RBFOX1: variants seen among roughly 807,000 people sequenced by gnomAD.
RBFOX1 encodes RNA binding fox-1 homolog 1, also known as RNA binding protein fox-1 homolog 1.
In RBFOX1, 8 loss-of-function variants were observed where a neutral mutation model predicts 57.7. The ratio of observed to expected loss-of-function variants is 0.14; its 90% CI spans 0.08 to 0.25. The LOEUF is 0.25. Among genes scored for constraint, RBFOX1 ranks in the 10% least tolerant of loss-of-function variants. The pLI, the probability that RBFOX1 is intolerant of heterozygous loss-of-function variation, is 1.00. For missense variants in RBFOX1, 611 were observed against 548.5 expected (o/e 1.11, Z -1.14); for synonymous variants, 326 against 222.4 (o/e 1.47, Z -4.15).
chr16:5,758,776 G>C (rs1376921566), intron 3 of RBFOX1, among the ~76,000 whole-genome samples: 1 of 152,108 alleles, frequency 6.6e-6, no homozygotes, highest in African/African-American at 2.4e-5. Context: ...TCACTTTTTG[G>C]ATAGGGTGGG....
At chr16:5,304,933 C>G (rs1486447967) in intron 1 of RBFOX1, among the ~76,000 whole-genome samples, 2 of 152,182 alleles carry the variant, frequency 1.3e-5, no homozygotes, top group African/African-American at 4.8e-5. Flanking sequence ...CAATTTGAAT[C>G]TTGTTTCATG....
At chr16:6,971,577 TA>T (rs1226492890) in intron 3 of RBFOX1, among the ~76,000 whole-genome samples, 7 of 151,966 alleles carry the variant, frequency 4.6e-5, no homozygotes, top group African/African-American at 1.7e-4. Flanking sequence ...TTTACATTAT[TA>T]AAAGATCACC....
chr16:7,619,325 C>G (rs767936628), intron 10 of RBFOX1, among the ~76,000 whole-genome samples: 3 of 152,076 alleles, frequency 2.0e-5, no homozygotes, highest in South Asian at 2.1e-4. Flanking sequence ...ATGATTTTCA[C>G]TAGCTGAAAT....
At chr16:7,597,298 A>G (rs1375580313) in intron 8 of RBFOX1, 73 bp from the exon 9 acceptor site, 6 of 1,110,904 alleles carry the variant, frequency 5.4e-6, no homozygotes, top group African/African-American at 1.6e-5. Flanking sequence ...AATCACGGTC[A>G]TAATGCATGC....
At chr16:5,322,608 C>T (rs1299089770) in intron 1 of RBFOX1, among the ~76,000 whole-genome samples, 1 of 152,172 alleles carries the variant, frequency 6.6e-6, no homozygotes, top group African/African-American at 2.4e-5. Flanking sequence ...CTTTTGTTCT[C>T]TTAGAGCAAG....
In RBFOX1 at chr16:5,314,543, C is replaced by G. The variant is rs184423903; in HGVS notation, c.219+74438C>G. Among the ~76,000 whole-genome samples the G allele has an allele frequency of 2.0e-4, 31 of 152,300 alleles. No homozygotes were observed. In the East Asian group the frequency reaches 5.6e-3, roughly 27 times the overall value. ...TGAGACTGGATCTCACTCTGTTGCC[C>G]AGGCTGGCGTGCAGTGGTGCAATCA... On this transcript the variant is annotated intron_variant, in intron 1 of 2. Transcript: ENST00000585867.
intron 2 of RBFOX1, among the ~76,000 whole-genome samples, chr16:6,620,406 A>G (rs185363457): frequency 6.6e-6 from 1 of 152,346 alleles, no homozygotes; most frequent in Admixed American, 6.5e-5. Flanking sequence ...AAAGATCTCA[A>G]GGTAACAAGT....
At chr16:5,940,379 C>G (rs1383525989) in intron 4 of RBFOX1, among the ~76,000 whole-genome samples, 4 of 152,166 alleles carry the variant, frequency 2.6e-5, no homozygotes, top group Admixed American at 2.6e-4. Flanking sequence ...TTCACGTTCT[C>G]ATTTGATCCT....
rs190238920 is a variant in RBFOX1, at chr16:7,439,530, T to C, written c.28-78617T>C. On this transcript the variant is annotated intron_variant, in intron 4 of 15. Coordinates refer to ENST00000550418, the MANE Select transcript of RBFOX1 (RefSeq NM_018723.4). ...CCCATCTCCAGGCCTTGTAAGTCGA[T>C]AGGAGATTTGCAAATATCTCCCTTA... Among the ~76,000 whole-genome samples the C allele has an allele frequency of 1.9e-3, 286 of 152,326 alleles. 1 individual carries two copies. Among genetic ancestry groups the C allele is most frequent in the African/African-American group, 6.7e-3 (279 of 41,578 alleles).
At chr16:7,440,094 C>T (rs751998911) in intron 4 of RBFOX1, among the ~76,000 whole-genome samples, 32 of 151,692 alleles carry the variant, frequency 2.1e-4, no homozygotes, top group Non-Finnish European at 4.1e-4. Context: ...TGGGGTTTTG[C>T]CGTGTCGCCT....
chr16:7,700,324 A>G (rs565181107), intron 14 of RBFOX1, among the ~76,000 whole-genome samples: 1 of 152,250 alleles, frequency 6.6e-6, no homozygotes, highest in Admixed American at 6.5e-5. Context: ...GTAGCCTTGT[A>G]CGATGAGGAT....
intron 14 of RBFOX1, among the ~76,000 whole-genome samples, chr16:7,705,976 G>A (rs905755534): frequency 1.1e-4 from 16 of 152,154 alleles, no homozygotes; most frequent in African/African-American, 2.7e-4. Context: ...ATAGCTGGTC[G>A]TGTCCTAACA....
At chr16:6,978,106 G>T (rs2087608668) in intron 3 of RBFOX1, among the ~76,000 whole-genome samples, 1 of 131,842 alleles carries the variant, frequency 7.6e-6, no homozygotes, top group South Asian at 2.7e-4. Context: ...AGCTGACTTT[G>T]CAGGCTCCAG....
chr16:5,542,160 C>G (rs1271015405), intron 2 of RBFOX1, among the ~76,000 whole-genome samples: 3 of 151,992 alleles, frequency 2.0e-5, no homozygotes, highest in Non-Finnish European at 4.4e-5. Context: ...GAGTAATCGA[C>G]TCTGTATAGC....
chr16:7,521,388 G>C (rs1294064965), intron 5 of RBFOX1, among the ~76,000 whole-genome samples: 3 of 152,218 alleles, frequency 2.0e-5, no homozygotes, highest in Non-Finnish European at 4.4e-5. Flanking sequence ...ATTAAAAAGA[G>C]TTTAAGCCAG....
intron 4 of RBFOX1, among the ~76,000 whole-genome samples, chr16:7,195,635 GC>G: frequency 6.6e-6 from 1 of 152,260 alleles, no homozygotes; most frequent in East Asian, 1.9e-4. Context: ...TCAACTCACT[GC>G]AACCTCCACC....
chr16:7,710,393 A>T, intron 15 of RBFOX1: 1 of 1,382,116 alleles, frequency 7.2e-7, no homozygotes, highest in Non-Finnish European at 9.3e-7. Flanking sequence ...TTTAGCTAAG[A>T]GGACTGGCTG....
rs536555569 is a variant in RBFOX1, at chr16:5,918,142, CAG to C, written c.351+50810_351+50811del. Among the ~76,000 whole-genome samples, 70 of 152,222 alleles carry C rather than the reference CAG, an allele frequency of 4.6e-4. 2 individuals are homozygous for C. The South Asian group carries it at 0.014, about 30-fold the overall frequency. ...TATTTTTATTGTTATTATTTTGAGA[CAG>C]AGTCTTGTTTTATTGCCCAGGTTGG... On this transcript the variant is annotated intron_variant, in intron 4 of 19. Coordinates refer to the RBFOX1 transcript ENST00000641259.
intron 4 of RBFOX1, among the ~76,000 whole-genome samples, chr16:7,447,713 C>G (rs966690508): frequency 2.6e-5 from 4 of 152,194 alleles, no homozygotes; most frequent in African/African-American, 9.7e-5. Flanking sequence ...TCTCACTATC[C>G]TCTTCTTTTA....
Sources: allele counts gnomAD v4.1 joint callset (sites outside exome capture counted in the v4.1 genomes callset), GRCh38; gene constraint gnomAD v4.1.1; transcripts MANE v1.5; gene names NCBI Gene and HGNC (gene_info 2026-07-23, HGNC 2026-07-21).